FRAS1: variants seen among roughly 807,000 people sequenced by gnomAD.
FRAS1 encodes the protein Fraser extracellular matrix complex subunit 1.
A neutral mutation model predicts 435.2 loss-of-function variants in FRAS1; 290 were observed. The ratio of observed to expected loss-of-function variants is 0.67; its 90% confidence interval spans 0.61 to 0.73. FRAS1 has a LOEUF of 0.73. Among genes scored for constraint, FRAS1 ranks in the 30% least tolerant of loss-of-function variants. The pLI, the probability that FRAS1 is intolerant of heterozygous loss-of-function variation, is 0.00. For missense variants in FRAS1, 4,860 were observed against 5,001.5 expected (o/e 0.97, Z 0.85); for synonymous variants, 1,800 against 1,851.0 (o/e 0.97, Z 0.71).
intron 22 of FRAS1, among the ~76,000 whole-genome samples, chr4:78,364,986 T>C (rs1016864516): frequency 2.6e-5 from 4 of 152,158 alleles, no homozygotes; most frequent in Admixed American, 2.6e-4. Context: ...CTCAGTTTCT[T>C]TTTTTTGTAA....
At chr4:78,182,692 A>G (rs976314929) in intron 2 of FRAS1, among the ~76,000 whole-genome samples, 1 of 152,040 alleles carries the variant, frequency 6.6e-6, no homozygotes, top group Non-Finnish European at 1.5e-5. Context: ...AGCCTGGCCA[A>G]CGTGGTGAAA....
intron 20 of FRAS1, among the ~76,000 whole-genome samples, chr4:78,362,098 A>G (rs1027534281): frequency 5.9e-5 from 9 of 152,238 alleles, no homozygotes; most frequent in Non-Finnish European, 2.9e-5. Context: ...AATTTGTTTT[A>G]TAGCTTTAAT....
intron 64 of FRAS1, 148 bp from the exon 65 acceptor site, chr4:78,513,244 C>G: frequency 1.4e-6 from 1 of 695,474 alleles, no homozygotes; most frequent in Non-Finnish European, 2.4e-6. Context: ...ACCCCCTGTT[C>G]AGATAGAAAT....
rs1381861700 is a variant in FRAS1 at position 78,452,351 on chromosome 4, C to T, written c.6760C>T (p.Pro2254Ser). ...GGGCCACTTGGAACATGCAGCATCACCAGGTAAGTCTATCATCTCTTGATT... is the reference window on the plus strand; with the variant it reads ...GGGCCACTTGGAACATGCAGCATCATCAGGTAAGTCTATCATCTCTTGATT... The part of the protein sequence containing the change: ...QLGHLEHAAS[P>S]GIQISSFTQA... Residue 2254 changes from proline (P) to serine (S), a missense_variant, in exon 47 of 74, where the codon CCA (proline) becomes TCA (serine). Transcript: ENST00000512123. The T allele has an allele frequency of 1.3e-6, 2 of 1,596,648 alleles. No individual in the cohort carries two copies. The highest frequency in any genetic ancestry group is 1.4e-5 in the African/African-American group (1 of 73,566).
rs780502808 is a variant in FRAS1, at chr4:78,308,061, T to G, written c.1535-5T>G. ...TTACTCACTGATTTTGCTATTCGTC[T>G]GCAGTCTGCCATGAGTCCTGTGCAG... On this transcript the variant is annotated splice_polypyrimidine_tract_variant and splice_region_variant and intron_variant, in intron 14 of 73. Coordinates refer to ENST00000512123, the MANE Select transcript of FRAS1 (RefSeq NM_025074.7). 3 of 1,591,104 alleles carry G rather than the reference T, an allele frequency of 1.9e-6. No individual in the cohort carries two copies. The African/African-American group carries it at 4.1e-5, about 21-fold the overall frequency.
chr4:78,363,806 C>G, intron 21 of FRAS1, 102 bp from the exon 22 acceptor site: 2 of 1,448,148 alleles, frequency 1.4e-6, no homozygotes, highest in African/African-American at 1.4e-5. Context: ...ACCAGACTTG[C>G]CAATGTTCTC....
intron 4 of FRAS1, among the ~76,000 whole-genome samples, chr4:78,251,803 T>G (rs1206005123): frequency 1.3e-5 from 2 of 152,224 alleles, no homozygotes; most frequent in African/African-American, 4.8e-5. Context: ...TGAATGTGCA[T>G]GTGGCCAAGT....
intron 2 of FRAS1, among the ~76,000 whole-genome samples, chr4:78,236,939 G>T (rs1337286847): frequency 6.6e-6 from 1 of 152,056 alleles, no homozygotes; most frequent in African/African-American, 2.4e-5. Context: ...ACCTCAATAT[G>T]CCCAGCACCC....
chr4:78,534,721 C>T, intron 71 of FRAS1, 106 bp downstream of exon 71: 1 of 1,028,522 alleles, frequency 9.7e-7, no homozygotes, highest in Non-Finnish European at 1.4e-6. Flanking sequence ...AGTCACCACC[C>T]CAGTAAAGAT....
At chr4:78,369,005 A>G (rs1578278641) in intron 22 of FRAS1, among the ~76,000 whole-genome samples, 1 of 152,320 alleles carries the variant, frequency 6.6e-6, no homozygotes, top group East Asian at 1.9e-4. Flanking sequence ...ATGCATGGAA[A>G]ATGGATTGCA....
intron 2 of FRAS1, among the ~76,000 whole-genome samples, chr4:78,146,759 G>A (rs912265623): frequency 1.3e-5 from 2 of 151,992 alleles, no homozygotes; most frequent in African/African-American, 4.8e-5. Flanking sequence ...TGAGTTTTTA[G>A]TGTTGACCTT....
At chr4:78,180,211 G>A (rs1281860770) in intron 2 of FRAS1, among the ~76,000 whole-genome samples, 2 of 152,042 alleles carry the variant, frequency 1.3e-5, no homozygotes, top group Non-Finnish European at 2.9e-5. Context: ...TCTAGTGGGG[G>A]AAGCAGATTT....
intron 14 of FRAS1, among the ~76,000 whole-genome samples, chr4:78,301,507 T>A (rs1376412614): frequency 2.0e-5 from 3 of 152,048 alleles, no homozygotes; most frequent in Non-Finnish European, 4.4e-5. Flanking sequence ...GTAGGACAGA[T>A]AATACTGGGG....
intron 2 of FRAS1, among the ~76,000 whole-genome samples, chr4:78,082,752 C>T (rs940756763): frequency 6.6e-6 from 1 of 151,514 alleles, no homozygotes; most frequent in African/African-American, 2.4e-5. Context: ...AGGCCAAAAT[C>T]AATTAATTGA....
At chr4:78,240,155 T>C (rs1401883708) in intron 3 of FRAS1, among the ~76,000 whole-genome samples, 3 of 152,128 alleles carry the variant, frequency 2.0e-5, no homozygotes, top group Non-Finnish European at 4.4e-5. Flanking sequence ...AGTATGGAGT[T>C]TGGAATTTTA....
At chr4:78,445,818 C>A in intron 42 of FRAS1, 106 bp downstream of exon 42, 1 of 1,423,054 alleles carries the variant, frequency 7.0e-7, no homozygotes, top group Non-Finnish European at 9.2e-7. Flanking sequence ...TTGGATTTGA[C>A]CTTCAAAATT....
At chr4:78,092,406 G>T (rs1741578432) in intron 2 of FRAS1, among the ~76,000 whole-genome samples, 1 of 152,168 alleles carries the variant, frequency 6.6e-6, no homozygotes, top group African/African-American at 2.4e-5. Context: ...TCACAATCGT[G>T]GTGGAAGGCA....
chr4:78,111,689 A>G (rs1742708677), intron 2 of FRAS1, among the ~76,000 whole-genome samples: 1 of 129,468 alleles, frequency 7.7e-6, no homozygotes, highest in African/African-American at 3.0e-5. Context: ...CCAGCATGGC[A>G]CATGTATACA....
chr4:78,198,661 G>A (rs1423618205), intron 2 of FRAS1, among the ~76,000 whole-genome samples: 1 of 152,090 alleles, frequency 6.6e-6, no homozygotes, highest in East Asian at 1.9e-4. Flanking sequence ...GGTTTCAACT[G>A]AGTGGCTCTA....
Sources: gnomAD v4.1 joint callset for allele counts (sites outside exome capture counted in the v4.1 genomes callset) on GRCh38, gnomAD v4.1.1 for gene constraint, MANE v1.5 for transcripts, NCBI Gene and HGNC (gene_info 2026-07-23, HGNC 2026-07-21) for gene names.